Variants in IGF2R observed in about 807,000 individuals in gnomAD.
The protein encoded by IGF2R is cation-independent mannose-6-phosphate receptor.
In IGF2R, 91 loss-of-function variants were observed where a neutral mutation model predicts 270.6. The ratio of observed to expected loss-of-function variants is 0.34; its 90% CI spans 0.28 to 0.40. The LOEUF (loss-of-function observed/expected upper bound fraction) is 0.40, where lower values mean the gene tolerates loss of function less well. Among genes scored for constraint, IGF2R ranks in the 10% least tolerant of loss-of-function variants. IGF2R has a pLI of 1.00. For synonymous variants in IGF2R, 1,316 were observed against 1,258.9 expected (o/e 1.05, Z -0.96); for missense variants, 2,805 against 3,188.3 (o/e 0.88, Z 2.90).
intron 1 of IGF2R, among the ~76,000 whole-genome samples, chr6:159,979,513 C>CG (rs1272349506): frequency 6.6e-6 from 1 of 152,170 alleles, no homozygotes; most frequent in East Asian, 1.9e-4. Flanking sequence ...TGACAGGCAG[C>CG]GTGAGCTCAT....
intron 29 of IGF2R, among the ~76,000 whole-genome samples, 196 bp downstream of exon 29, chr6:160,065,097 G>T (rs1033553116): frequency 6.6e-6 from 1 of 152,214 alleles, no homozygotes; most frequent in African/African-American, 2.4e-5. Context: ...TGTGGTGACT[G>T]CATGGGGAAG....
intron 1 of IGF2R, among the ~76,000 whole-genome samples, chr6:159,984,868 A>T (rs925270664): frequency 3.3e-5 from 5 of 152,208 alleles, no homozygotes; most frequent in Non-Finnish European, 5.9e-5. Context: ...TGCCACATTC[A>T]CATACCTTTT....
intron 19 of IGF2R, among the ~76,000 whole-genome samples, chr6:160,052,013 T>G (rs2115252944): frequency 6.6e-6 from 1 of 151,148 alleles, no homozygotes; most frequent in Non-Finnish European, 1.5e-5. Flanking sequence ...AGTCTCAGAC[T>G]AGCCTGGGCA....
chr6:160,019,811 G>T (rs1341166568), intron 4 of IGF2R, among the ~76,000 whole-genome samples: 1 of 152,112 alleles, frequency 6.6e-6, no homozygotes, highest in Non-Finnish European at 1.5e-5. Context: ...ACATACCTCA[G>T]AATAATAAAA....
intron 4 of IGF2R, among the ~76,000 whole-genome samples, chr6:160,012,552 A>G (rs1450411054): frequency 1.3e-5 from 2 of 151,526 alleles, no homozygotes; most frequent in Non-Finnish European, 2.9e-5. Flanking sequence ...CCACTTTGAA[A>G]TGACCAGATC....
At chr6:160,052,690 A>G (rs1472048867) in intron 19 of IGF2R, among the ~76,000 whole-genome samples, 1 of 152,254 alleles carries the variant, frequency 6.6e-6, no homozygotes, top group Non-Finnish European at 1.5e-5. Context: ...ACTATGCTAC[A>G]AGGCTACAAT....
intron 42 of IGF2R, among the ~76,000 whole-genome samples, chr6:160,088,881 A>T (rs1779153322): frequency 6.6e-6 from 1 of 152,234 alleles, no homozygotes; most frequent in Admixed American, 6.5e-5. Context: ...AGAAGTGAGT[A>T]AAATAACCAC....
intron 36 of IGF2R, 76 bp from the exon 37 acceptor site, chr6:160,078,125 G>C: frequency 1.4e-6 from 2 of 1,465,312 alleles, no homozygotes; most frequent in Non-Finnish European, 1.9e-6. Context: ...CACAGCCCCT[G>C]TAGGGACGTG....
chr6:159,982,753 T>C (rs1783825306), intron 1 of IGF2R, among the ~76,000 whole-genome samples: 1 of 152,206 alleles, frequency 6.6e-6, no homozygotes, highest in African/African-American at 2.4e-5. Context: ...TTTGGATATA[T>C]GGCAATAAAT....
chr6:160,017,467 T>C lies in IGF2R; in HGVS notation c.513+6682T>C, dbSNP rs6904531. The stretch of plus-strand genomic sequence containing the variant: ...AGGACATAATTGATGTAAACTTCTT[T>C]AGTTTAGCAGGAGATCTAGACCTCC... On this transcript the variant is annotated intron_variant, in intron 4 of 47. Coordinates refer to ENST00000356956, the MANE Select transcript of IGF2R (RefSeq NM_000876.4). Among the ~76,000 whole-genome samples, 545 of 152,338 alleles carry C rather than the reference T, an allele frequency of 3.6e-3. 3 individuals carry two copies. Among genetic ancestry groups the C allele is most frequent in the African/African-American group, 0.011 (460 of 41,574 alleles).
At chr6:160,048,268 G>A in intron 17 of IGF2R, 107 bp from the exon 18 acceptor site, 1 of 1,060,982 alleles carries the variant, frequency 9.4e-7, no homozygotes, top group Non-Finnish European at 1.4e-6. Context: ...TGTGATTGGT[G>A]GAGCATGTTT....
intron 1 of IGF2R, among the ~76,000 whole-genome samples, chr6:159,988,627 A>C (rs1358541835): frequency 6.6e-6 from 1 of 151,990 alleles, no homozygotes; most frequent in Admixed American, 6.6e-5. Context: ...ATGCACCAAT[A>C]TCATATACTT....
Position 160,047,872 on chromosome 6 carries a change from C to G in IGF2R, c.2310C>G (p.Thr770=). Residue 770 remains threonine (T), a synonymous_variant, in exon 17 of 48, where the codon ACC becomes ACG. Transcript: ENST00000356956. ...AGGAGCCCCTGGAATGCGTAGTGAC[C>G]GACCCCTCCACGCTGGAGCAGTACG... is the stretch of plus-strand genomic sequence containing the variant. ...CPEEPLECVV[T]DPSTLEQYDL... 1 of 1,613,686 alleles carries G rather than the reference C, an allele frequency of 6.2e-7. No homozygotes were observed. Among genetic ancestry groups the G allele is most frequent in the South Asian group, 1.1e-5 (1 of 91,074 alleles).
In IGF2R at chr6:160,102,666, G is replaced by A. The variant is rs1346893413; in HGVS notation, c.6990G>A (p.Glu2330=). Residue 2330 remains glutamate (E), a synonymous_variant, in exon 46 of 48, where the codon GAG becomes GAA. Coordinates refer to ENST00000356956, the MANE Select transcript of IGF2R (RefSeq NM_000876.4). The surrounding 1 kb of genome is among the most constrained non-coding windows in gnomAD (Gnocchi z 4.5). ...CLLALLLYKK[E]RRETVISKLT... ...TGGCCCTGTTGCTCTACAAGAAGGA[G>A]AGGAGGTAAGCGGGTGGCAGGGCGA... 6.2e-7 allele frequency: 1 copy of A among 1,600,914 alleles called. No individual in the cohort carries two copies. The highest frequency in any genetic ancestry group is 1.1e-5 in the South Asian group (1 of 90,122).
intron 45 of IGF2R, among the ~76,000 whole-genome samples, chr6:160,101,612 G>A (rs750498402): frequency 6.6e-5 from 10 of 152,374 alleles, no homozygotes; most frequent in African/African-American, 2.2e-4. Context: ...GATGCGCCCC[G>A]CTGGGGTTGC....
At chr6:160,024,295 T>C (rs1562347121) in intron 4 of IGF2R, among the ~76,000 whole-genome samples, 1 of 151,964 alleles carries the variant, frequency 6.6e-6, no homozygotes, top group Non-Finnish European at 1.5e-5. Context: ...TCTCATGGCA[T>C]GCTGACGGAA....
Position 160,029,654 on chromosome 6 carries a change from A to C in IGF2R, c.881A>C (p.Glu294Ala), listed in dbSNP as rs1182243840. ...TTTGTTTGCCCGTCGGAGCGGAGAG[A>C]GGTAAGTGACTCGTCTCCTGATCAC... Reference protein sequence around the residue: ...ITFVCPSERREGTIPKLTAKS... With the variant: ...ITFVCPSERRAGTIPKLTAKS... The change falls in exon 7 of 48, where the codon GAG (glutamate) becomes GCG (alanine). Residue 294 changes from glutamate (E) to alanine (A), a missense_variant and splice_region_variant. Glu to Ala is a moderately radical substitution (Grantham distance 107). Transcript: ENST00000356956. 6.2e-7 allele frequency: 1 copy of C among 1,605,754 alleles called. No individual in the cohort carries two copies. Among genetic ancestry groups the C allele is most frequent in the Non-Finnish European group, 8.5e-7 (1 of 1,172,642 alleles).
At chr6:159,976,695 A>G (rs1174034906) in intron 1 of IGF2R, among the ~76,000 whole-genome samples, 2 of 151,672 alleles carry the variant, frequency 1.3e-5, no homozygotes, top group Non-Finnish European at 2.9e-5. Flanking sequence ...TTTTGGATTC[A>G]AAAGTTCTAT....
At chr6:160,081,749 G>A (rs1046257703) in intron 39 of IGF2R, among the ~76,000 whole-genome samples, 3 of 152,136 alleles carry the variant, frequency 2.0e-5, no homozygotes, top group Non-Finnish European at 4.4e-5. Context: ...TCCTTACTGG[G>A]GAAAGAATTC....
Sources: gnomAD v4.1 joint callset for allele counts (sites outside exome capture counted in the v4.1 genomes callset) on GRCh38, gnomAD v4.1.1 for gene constraint, Gnocchi (gnomAD v3.1) non-coding constraint, MANE v1.5 for transcripts, NCBI Gene and HGNC (gene_info 2026-07-23, HGNC 2026-07-21) for gene names.